The following KCNMA1 variants were observed in gnomAD, a reference collection of about 807,000 sequenced individuals.
The protein encoded by KCNMA1 is potassium calcium-activated channel subfamily M alpha 1.
Under a neutral mutation model 140.0 loss-of-function variants are expected in KCNMA1, and 29 were observed. That is an observed-to-expected ratio of 0.21 (90% CI 0.15 to 0.28). KCNMA1 has a LOEUF of 0.28. KCNMA1 is among the 10% of genes least tolerant of loss of function. The probability of loss-of-function intolerance (pLI) is 1.00; values close to 1 mark genes in which losing one functional copy is unlikely to be tolerated. For synonymous variants in KCNMA1, 612 were observed against 611.9 expected, an observed-to-expected ratio of 1.00 and a Z score of 0.00; for missense variants, 880 against 1,602.2, an observed-to-expected ratio of 0.55 and a Z score of 7.70.
intron 1 of KCNMA1, chr10:77,634,265 C>T: frequency 1.0e-6 from 1 of 985,412 alleles, no homozygotes; most frequent in African/African-American, 1.7e-5. Flanking sequence ...TGAAAAAGTA[C>T]AGCAAAGAAC....
intron 2 of KCNMA1, among the ~76,000 whole-genome samples, chr10:77,392,004 A>G (rs1364692006): frequency 1.3e-5 from 2 of 151,240 alleles, no homozygotes; most frequent in Non-Finnish European, 2.9e-5. Flanking sequence ...AACCTGGGTA[A>G]GAAAAGTCTC....
chr10:77,424,201 T>C (rs534424849), intron 1 of KCNMA1, among the ~76,000 whole-genome samples: 1 of 152,380 alleles, frequency 6.6e-6, no homozygotes, highest in South Asian at 2.1e-4. Flanking sequence ...CAGGAATAAT[T>C]ATAAGTGCTT....
intron 1 of KCNMA1, among the ~76,000 whole-genome samples, chr10:77,610,436 G>A (rs962562053): frequency 1.3e-5 from 2 of 152,286 alleles, no homozygotes; most frequent in East Asian, 1.9e-4. Context: ...CCGCAGCCTC[G>A]GGCTGCCCCA....
intron 26 of KCNMA1, among the ~76,000 whole-genome samples, chr10:76,890,913 C>T (rs2039736371): frequency 6.6e-6 from 1 of 152,194 alleles, no homozygotes; most frequent in Admixed American, 6.5e-5. Flanking sequence ...AAAGGATCCA[C>T]ATAAGATTCG....
chr10:77,520,271 GGGATA>G (rs2052835104), intron 1 of KCNMA1, among the ~76,000 whole-genome samples: 4 of 23,422 alleles, frequency 1.7e-4, no homozygotes, highest in Admixed American at 4.3e-4. Context: ...TGTGAGGTCT[GGGATA>G]TGTGGTGTGA....
chr10:76,976,073 A>G (rs993629033), intron 19 of KCNMA1, among the ~76,000 whole-genome samples: 4 of 152,218 alleles, frequency 2.6e-5, no homozygotes, highest in Admixed American at 2.0e-4. Flanking sequence ...AGGAAATAGG[A>G]AACACATTTA....
At position 77,121,066 on chromosome 10, in the gene KCNMA1, A is replaced by T; in HGVS notation, c.809-18T>A. ...TCTCAAACCTGGAAAAAAGAATGAA[A>T]TAGAGATGCATTATTTTCAATGTGT... On this transcript the variant is annotated intron_variant, in intron 5 of 27. Coordinates refer to ENST00000286628, the MANE Select transcript of KCNMA1 (RefSeq NM_001161352.2). 3 of 1,384,938 alleles carry T rather than the reference A, an allele frequency of 2.2e-6. No individual in the cohort carries two copies. Among genetic ancestry groups the T allele is most frequent in the Non-Finnish European group, 3.1e-6 (3 of 976,230 alleles). 85.8% of individuals were successfully genotyped at this position (1,384,938 alleles called of 1,614,324 possible).
chr10:77,293,362 G>A (rs921550149), intron 2 of KCNMA1, among the ~76,000 whole-genome samples: 1 of 152,124 alleles, frequency 6.6e-6, no homozygotes, highest in Non-Finnish European at 1.5e-5. Flanking sequence ...GAATGGGGGG[G>A]ACAACCATAG....
chr10:77,038,601 G>A (rs926348251), intron 15 of KCNMA1, among the ~76,000 whole-genome samples: 5 of 152,218 alleles, frequency 3.3e-5, no homozygotes, highest in Middle Eastern at 3.4e-3. Flanking sequence ...ATGCAGTTGC[G>A]TAATCAACCT....
intron 1 of KCNMA1, among the ~76,000 whole-genome samples, chr10:77,525,057 C>T (rs917614055): frequency 7.9e-5 from 12 of 152,156 alleles, no homozygotes; most frequent in Admixed American, 6.5e-4. Flanking sequence ...GTACCGTGTT[C>T]GATTTTTCTT....
intron 19 of KCNMA1, chr10:76,995,359 G>A: frequency 2.9e-6 from 1 of 347,804 alleles, no homozygotes; most frequent in South Asian, 2.3e-5. Flanking sequence ...TAAAGCCTAA[G>A]GCGCTGCAAA....
intron 1 of KCNMA1, among the ~76,000 whole-genome samples, chr10:77,463,074 A>G (rs149447001): frequency 6.6e-6 from 1 of 152,320 alleles, no homozygotes; most frequent in African/African-American, 2.4e-5. Context: ...CCATTCTCCC[A>G]GCATGTAGGT....
At chr10:77,548,653 G>A (rs1280069724) in intron 1 of KCNMA1, among the ~76,000 whole-genome samples, 1 of 152,212 alleles carries the variant, frequency 6.6e-6, no homozygotes, top group African/African-American at 2.4e-5. Flanking sequence ...ATGGAGCACT[G>A]CATCAGGACT....
rs549047558 is a variant in KCNMA1 at position 77,621,292 on chromosome 10, C to T, written c.378+15973G>A. Among the ~76,000 whole-genome samples the T allele has an allele frequency of 4.6e-5, 7 of 152,320 alleles. No homozygotes were observed. The South Asian group carries it at 1.5e-3, about 32-fold the overall frequency. ...AACATCCAAGTGCGCTAAATTTTAA[C>T]AGACCTGGAATTTGGATATATTTAT... On this transcript the variant is annotated intron_variant, in intron 1 of 27. Coordinates refer to ENST00000286628, the MANE Select transcript of KCNMA1 (RefSeq NM_001161352.2).
At chr10:77,445,799 C>A (rs907133103) in intron 1 of KCNMA1, among the ~76,000 whole-genome samples, 2 of 152,170 alleles carry the variant, frequency 1.3e-5, no homozygotes, top group African/African-American at 2.4e-5. Context: ...GAGAGGCTAG[C>A]GCAAACAGGC....
intron 13 of KCNMA1, among the ~76,000 whole-genome samples, chr10:77,076,879 T>C (rs536233014): frequency 3.3e-5 from 5 of 152,190 alleles, no homozygotes; most frequent in African/African-American, 4.8e-5. Context: ...AAATGCTTCA[T>C]ATTTCAAGCC....
intron 1 of KCNMA1, among the ~76,000 whole-genome samples, chr10:77,483,414 T>C (rs1245817623): frequency 6.6e-6 from 1 of 152,192 alleles, no homozygotes; most frequent in African/African-American, 2.4e-5. Flanking sequence ...ACACAGGCTC[T>C]CACTTCATCC....
In KCNMA1 at chr10:77,142,142, C is replaced by T. The variant is rs373458269; in HGVS notation, c.809-21094G>A. Among the ~76,000 whole-genome samples, 52 of 152,032 alleles carry T rather than the reference C, an allele frequency of 3.4e-4. No homozygotes were observed. In the South Asian group the frequency reaches 9.8e-3, roughly 29 times the overall value. ...CAGCACTTTGGGAGGCCGAGGCAGGCGGATCACAAGGTCAGGAGATCGAGA... is the reference window on the plus strand; with the variant it reads ...CAGCACTTTGGGAGGCCGAGGCAGGTGGATCACAAGGTCAGGAGATCGAGA... On this transcript the variant is annotated intron_variant, in intron 5 of 27. Transcript: ENST00000286628.
chr10:77,291,204 C>T (rs79852806), intron 2 of KCNMA1, among the ~76,000 whole-genome samples: 1,613 of 152,304 alleles, frequency 0.011, 16 homozygotes, highest in Non-Finnish European at 0.018. Flanking sequence ...GCCTTAATTA[C>T]AGGCCAGTAT....
Sources: gnomAD v4.1 joint callset for allele counts (sites outside exome capture counted in the v4.1 genomes callset) on GRCh38, gnomAD v4.1.1 for gene constraint, MANE v1.5 for transcripts, NCBI Gene and HGNC (gene_info 2026-07-23, HGNC 2026-07-21) for gene names.